Variants in SCML4 observed in about 807,000 individuals in gnomAD.
SCML4 encodes the protein Scm polycomb group protein like 4.
SCML4 carries 34 observed loss-of-function variants against 41.1 expected under a neutral mutation model. The ratio of observed to expected loss-of-function variants is 0.83; its 90% CI spans 0.63 to 1.10. SCML4 has a LOEUF of 1.10. SCML4 is among the 50% of genes least tolerant of loss of function. The probability of loss-of-function intolerance (pLI) is 0.00; values close to 1 mark genes in which losing one functional copy is unlikely to be tolerated. For missense variants in SCML4, 522 were observed against 534.1 expected (o/e 0.98, Z 0.22); for synonymous variants, 214 against 220.9 (o/e 0.97, Z 0.28).
chr6:107,791,927 G>A (rs1366837392), intron 1 of SCML4, among the ~76,000 whole-genome samples: 3 of 152,086 alleles, frequency 2.0e-5, no homozygotes, highest in East Asian at 1.9e-4. Flanking sequence ...TAACCACTGC[G>A]CTCCAGCCTG....
chr6:107,803,666 G>A (rs1783478671), intron 1 of SCML4, among the ~76,000 whole-genome samples: 1 of 146,756 alleles, frequency 6.8e-6, no homozygotes, highest in Non-Finnish European at 1.5e-5. Context: ...TGTGTAGAAA[G>A]AGGTAGACAT....
At chr6:107,744,226 A>G (rs1394718462) in intron 5 of SCML4, among the ~76,000 whole-genome samples, 1 of 152,164 alleles carries the variant, frequency 6.6e-6, no homozygotes, top group East Asian at 1.9e-4. Flanking sequence ...TGCTTAGCGG[A>G]GAAGGAGCAC....
At chr6:107,731,310 A>G (rs565002247) in intron 5 of SCML4, among the ~76,000 whole-genome samples, 1 of 152,368 alleles carries the variant, frequency 6.6e-6, no homozygotes, top group African/African-American at 2.4e-5. Context: ...TTTAAAAACT[A>G]AACTGGCATT....
intron 2 of SCML4, among the ~76,000 whole-genome samples, chr6:107,765,254 G>T (rs971367977): frequency 6.6e-6 from 1 of 152,152 alleles, no homozygotes; most frequent in Non-Finnish European, 1.5e-5. Context: ...GATCAAAACT[G>T]TCAGCCCAGC....
At chr6:107,725,754 T>G (rs1775894101) in intron 5 of SCML4, among the ~76,000 whole-genome samples, 1 of 152,142 alleles carries the variant, frequency 6.6e-6, no homozygotes, top group African/African-American at 2.4e-5. Flanking sequence ...AATAAAATAA[T>G]AAAATAAATT....
At chr6:107,735,247 C>T (rs1246625333) in intron 5 of SCML4, among the ~76,000 whole-genome samples, 1 of 152,186 alleles carries the variant, frequency 6.6e-6, no homozygotes, top group Non-Finnish European at 1.5e-5. Flanking sequence ...AGTTTATTCT[C>T]CTTCCAAATG....
At chr6:107,828,310 G>A (rs1785313698), upstream of SCML4, among the ~76,000 whole-genome samples, 1 of 152,110 alleles carries the variant, frequency 6.6e-6, no homozygotes, top group South Asian at 2.1e-4. Context: ...TCTATAACAC[G>A]GGACAAGGAA....
intron 5 of SCML4, 32 bp from the exon 6 acceptor site, chr6:107,721,025 A>G (rs776577650): frequency 1.3e-6 from 2 of 1,560,164 alleles, no homozygotes; most frequent in African/African-American, 1.4e-5. Flanking sequence ...AGAAGCAGAT[A>G]TCAGAGAGCA....
chr6:107,708,790 A>G (rs1167540788), intron 6 of SCML4, among the ~76,000 whole-genome samples: 2 of 152,206 alleles, frequency 1.3e-5, no homozygotes, highest in East Asian at 3.9e-4. Flanking sequence ...CCCATGCAGC[A>G]GGTGAAAAGG....
chr6:107,714,711 C>T (rs999151664), intron 6 of SCML4, among the ~76,000 whole-genome samples: 2 of 152,110 alleles, frequency 1.3e-5, no homozygotes, highest in African/African-American at 4.8e-5. Context: ...TAAAACACCT[C>T]GTTGAGCTGT....
chr6:107,811,337 C>A (rs1583652865), intron 1 of SCML4, among the ~76,000 whole-genome samples: 1 of 152,152 alleles, frequency 6.6e-6, no homozygotes, highest in Admixed American at 6.5e-5. Context: ...AAAATAAATA[C>A]AACTTGTTTT....
In SCML4 at chr6:107,705,325, C is replaced by T. The variant is rs1773498626; in HGVS notation, c.1120G>A (p.Glu374Lys). The change falls in exon 8 of 8, where the codon GAG (glutamate) becomes AAG (lysine). Residue 374 changes from glutamate to lysine, a missense_variant and splice_region_variant. Transcript: ENST00000369020. ...GPHVELFRKHEIDGNALLLLK... is the reference protein window; with the variant it reads ...GPHVELFRKHKIDGNALLLLK... ...AACAGCAGAGCGTTGCCATCAATCT[C>T]CTGGTGGGATAGGATCAGAAGAAAG... is the stretch of plus-strand genomic sequence containing the variant. 7 of 1,551,782 alleles carry T rather than the reference C, an allele frequency of 4.5e-6. No homozygotes were observed. The highest frequency in any genetic ancestry group is 6.1e-6 in the Non-Finnish European group (7 of 1,146,928).
intron 6 of SCML4, among the ~76,000 whole-genome samples, chr6:107,708,366 C>A (rs2493446): frequency 0.019 from 2,940 of 152,208 alleles, 84 homozygotes; most frequent in African/African-American, 0.067. Context: ...AGGCCCAGGG[C>A]CTCCTGAGCC....
chr6:107,716,462 T>C (rs1205774109), intron 6 of SCML4, among the ~76,000 whole-genome samples: 1 of 152,182 alleles, frequency 6.6e-6, no homozygotes, highest in African/African-American at 2.4e-5. Flanking sequence ...ATATAACTTA[T>C]AATAAGTCGG....
intron 1 of SCML4, among the ~76,000 whole-genome samples, chr6:107,818,903 TAGAC>T (rs923190260): frequency 3.9e-5 from 6 of 152,222 alleles, no homozygotes; most frequent in African/African-American, 1.4e-4. Context: ...GCCCTGGCTC[TAGAC>T]ACCAGGGAAA....
chr6:107,721,982 C>CTTTTTT (rs10649065), intron 5 of SCML4, among the ~76,000 whole-genome samples: 1 of 135,960 alleles, frequency 7.4e-6, no homozygotes, highest in Non-Finnish European at 1.6e-5. Context: ...ACTTATCATA[C>CTTTTTT]TTTTTTTTTT....
At chr6:107,839,810 T>C in the SCML4 span, among the ~76,000 whole-genome samples, 216 of 152,282 alleles carry the variant, frequency 1.4e-3, no homozygotes, top group African/African-American at 5.1e-3. Context: ...CAGGCTTGTC[T>C]CAAATTCCTG....
chr6:107,709,060 G>A (rs992465835), intron 6 of SCML4, among the ~76,000 whole-genome samples: 1 of 152,038 alleles, frequency 6.6e-6, no homozygotes, highest in Non-Finnish European at 1.5e-5. Context: ...CCCAGAGCCT[G>A]CCACCTAACC....
intron 1 of SCML4, among the ~76,000 whole-genome samples, chr6:107,772,592 T>A (rs753717605): frequency 3.9e-5 from 6 of 152,108 alleles, no homozygotes; most frequent in Non-Finnish European, 7.4e-5. Flanking sequence ...TTCAAGGATG[T>A]TGAATTTCCA....
Sources: gnomAD v4.1 joint callset for allele counts (sites outside exome capture counted in the v4.1 genomes callset) on GRCh38, gnomAD v4.1.1 for gene constraint, MANE v1.5 for transcripts, NCBI Gene and HGNC (gene_info 2026-07-23, HGNC 2026-07-21) for gene names.